Variants in CLNK observed in about 807,000 individuals in gnomAD.
The protein encoded by CLNK is cytokine-dependent hematopoietic cell linker.
Under a neutral mutation model 68.6 loss-of-function variants are expected in CLNK, and 74 were observed. The ratio of observed to expected loss-of-function variants is 1.08; its 90% CI spans 0.89 to 1.31. The LOEUF (loss-of-function observed/expected upper bound fraction) is 1.31, where lower values mean the gene tolerates loss of function less well. Among genes scored for constraint, CLNK ranks in the 50% most tolerant of loss-of-function variants. CLNK has a pLI of 0.00. For missense variants in CLNK, 553 were observed against 515.3 expected (o/e 1.07, Z -0.71); for synonymous variants, 198 against 172.2 (o/e 1.15, Z -1.17).
intron 2 of CLNK, among the ~76,000 whole-genome samples, chr4:10,626,454 A>C (rs1722678630): frequency 6.6e-6 from 1 of 152,214 alleles, no homozygotes. Context: ...AACTGGAGAA[A>C]GTCAGCTTCT....
In CLNK at chr4:10,508,682, C is replaced by G. The variant is rs1327585333; in HGVS notation, c.907-646G>C. On this transcript the variant is annotated intron_variant, in intron 16 of 18. Transcript: ENST00000226951. ...CGAGAATCATAATATTAAATAACCC[C>G]CCTTGTGAGTCCAGCATCTATAAGG... 2.0e-5 allele frequency among the ~76,000 whole-genome samples: 3 copies of G among 152,136 alleles called. No homozygotes were observed. The East Asian group carries it at 5.8e-4, about 29-fold the overall frequency.
At chr4:10,609,521 A>G (rs1030538601) in intron 2 of CLNK, among the ~76,000 whole-genome samples, 3 of 152,154 alleles carry the variant, frequency 2.0e-5, no homozygotes, top group Non-Finnish European at 4.4e-5. Flanking sequence ...TTCTACCAAA[A>G]CTCTGGATTT....
intron 2 of CLNK, among the ~76,000 whole-genome samples, chr4:10,626,561 T>C (rs1193568944): frequency 6.6e-6 from 1 of 152,078 alleles, no homozygotes; most frequent in Non-Finnish European, 1.5e-5. Context: ...CACGAGAAAA[T>C]TGAGAAAAGT....
intron 17 of CLNK, among the ~76,000 whole-genome samples, chr4:10,502,860 A>T (rs68045316): frequency 1.3e-5 from 2 of 151,916 alleles, no homozygotes; most frequent in African/African-American, 4.8e-5. Context: ...ACGGAAGACC[A>T]GGAGATTCAG....
At chr4:10,601,306 G>A (rs1352079555) in intron 2 of CLNK, among the ~76,000 whole-genome samples, 1 of 152,178 alleles carries the variant, frequency 6.6e-6, no homozygotes, top group Non-Finnish European at 1.5e-5. Flanking sequence ...AAGGAAAGCA[G>A]GTGGGGAGAA....
rs1723019201 is a variant in CLNK, at chr4:10,634,830, G to GA, written c.11+33028_11+33029insT. On this transcript the variant is annotated intron_variant, in intron 2 of 18. Coordinates refer to ENST00000226951, the MANE Select transcript of CLNK (RefSeq NM_052964.4). The stretch of plus-strand genomic sequence containing the variant: ...GGAAGGATCTGAGAATATCATTGCT[G>GA]GAAAAAAAATCTTTGGTAAAATGAG... Among the ~76,000 whole-genome samples the GA allele has an allele frequency of 0.013, 4 of 298 alleles. No individual in the cohort carries two copies. The Admixed American group carries it at 0.15, about 11-fold the overall frequency. The allele number at this position is 298 out of a possible 152,430, so 0.2% of individuals were successfully genotyped here.
At chr4:10,610,241 A>G (rs1721959495) in intron 2 of CLNK, among the ~76,000 whole-genome samples, 1 of 149,216 alleles carries the variant, frequency 6.7e-6, no homozygotes, top group African/African-American at 2.5e-5. Context: ...TATTTTTAGT[A>G]GAGACGGGGT....
chr4:10,574,757 A>G (rs1720489722), intron 4 of CLNK, among the ~76,000 whole-genome samples: 1 of 152,216 alleles, frequency 6.6e-6, no homozygotes, highest in Non-Finnish European at 1.5e-5. Flanking sequence ...CTGGTTAAAG[A>G]TTGACCCCTG....
At position 10,644,834 on chromosome 4, in the gene CLNK, A is replaced by T. The variant is rs183163951; in HGVS notation, c.11+23025T>A. Among the ~76,000 whole-genome samples the T allele has an allele frequency of 1.0e-3, 159 of 152,282 alleles. 2 individuals are homozygous for T. Among genetic ancestry groups the T allele is most frequent in the African/African-American group, 3.6e-3 (151 of 41,564 alleles). ...TGCTGCTTCTCAATTCCTGCCCTGC[A>T]CTCTGAACCAGAGATATTTATAAGA... On this transcript the variant is annotated intron_variant, in intron 2 of 18. Coordinates refer to ENST00000226951, the MANE Select transcript of CLNK (RefSeq NM_052964.4).
chr4:10,695,407 G>C, the CLNK span, among the ~76,000 whole-genome samples: 1 of 152,202 alleles, frequency 6.6e-6, no homozygotes, highest in African/African-American at 2.4e-5. Flanking sequence ...GAAGGAGATT[G>C]AAGCTGTGAA....
At chr4:10,578,523 A>G (rs944474891) in intron 4 of CLNK, among the ~76,000 whole-genome samples, 4 of 148,918 alleles carry the variant, frequency 2.7e-5, no homozygotes, top group Non-Finnish European at 5.9e-5. Context: ...TTTGAGTTCT[A>G]CTTTGCTGAT....
At chr4:10,596,785 G>C (rs1225239915) in intron 3 of CLNK, among the ~76,000 whole-genome samples, 1 of 151,898 alleles carries the variant, frequency 6.6e-6, no homozygotes, top group Non-Finnish European at 1.5e-5. Flanking sequence ...GAAATAATTT[G>C]CTTCAGAAAA....
chr4:10,608,387 T>C (rs1721867656), intron 2 of CLNK, among the ~76,000 whole-genome samples: 1 of 152,136 alleles, frequency 6.6e-6, no homozygotes, highest in African/African-American at 2.4e-5. Context: ...CTTCCAACTC[T>C]CCTTGGTCTT....
At chr4:10,710,286 C>A in the CLNK span, among the ~76,000 whole-genome samples, 1 of 152,090 alleles carries the variant, frequency 6.6e-6, no homozygotes, top group African/African-American at 2.4e-5. Context: ...GTTTTCCGTG[C>A]TTCTCAGTCT....
At chr4:10,585,898 A>G (rs6848059) in intron 3 of CLNK, among the ~76,000 whole-genome samples, 27,192 of 152,144 alleles carry the variant, frequency 0.18, 2,725 homozygotes, top group African/African-American at 0.26. Flanking sequence ...GTCCTCAACC[A>G]TTTTGGCATC....
At chr4:10,537,706 C>CCTTGCTTTCTTT (rs1553848181) in intron 11 of CLNK, among the ~76,000 whole-genome samples, 4 of 13,376 alleles carry the variant, frequency 3.0e-4, no homozygotes, top group African/African-American at 1.1e-3. Context: ...TTCCTTCCTT[C>CCTTGCTTTCTTT]CTTTCTTTCT....
At chr4:10,578,316 C>T (rs1272762962) in intron 4 of CLNK, among the ~76,000 whole-genome samples, 2 of 152,152 alleles carry the variant, frequency 1.3e-5, no homozygotes, top group East Asian at 1.9e-4. Context: ...AAATGTGTGG[C>T]TTTTTCAGCA....
At chr4:10,631,644 G>A (rs552273770) in intron 2 of CLNK, among the ~76,000 whole-genome samples, 2 of 152,218 alleles carry the variant, frequency 1.3e-5, no homozygotes, top group African/African-American at 2.4e-5. Flanking sequence ...TTTGATTCGT[G>A]TCTAATATTA....
the CLNK span, among the ~76,000 whole-genome samples, chr4:10,698,491 G>T: frequency 6.6e-5 from 10 of 152,176 alleles, no homozygotes; most frequent in Admixed American, 3.9e-4. Context: ...AAACAGGTTT[G>T]TTCATATTTC....
Sources: allele counts gnomAD v4.1 joint callset (sites outside exome capture counted in the v4.1 genomes callset), GRCh38; gene constraint gnomAD v4.1.1; transcripts MANE v1.5; gene names NCBI Gene and HGNC (gene_info 2026-07-23, HGNC 2026-07-21).